The following NME7 variants were observed in gnomAD, a reference collection of about 807,000 sequenced individuals.
The protein encoded by NME7 is nucleoside diphosphate kinase 7.
In NME7, 41 loss-of-function variants were observed where a neutral mutation model predicts 49.1. The ratio of observed to expected loss-of-function variants is 0.83; its 90% CI spans 0.65 to 1.08. NME7 has a LOEUF of 1.08. NME7 is among the 50% of genes least tolerant of loss of function. The pLI, the probability that NME7 is intolerant of heterozygous loss-of-function variation, is 0.00. For missense variants in NME7, 423 were observed against 463.4 expected, an observed-to-expected ratio of 0.91 and a Z score of 0.80; for synonymous variants, 139 against 150.6, an observed-to-expected ratio of 0.92 and a Z score of 0.56.
chr1:169,251,549 T>TTG (rs1182598883), intron 7 of NME7, among the ~76,000 whole-genome samples: 1 of 131,686 alleles, frequency 7.6e-6, no homozygotes, highest in African/African-American at 2.6e-5. Flanking sequence ...TCTGGTTTCT[T>TTG]TTTTTTTTTT....
chr1:169,343,766 A>AT (rs1652860195), intron 1 of NME7, among the ~76,000 whole-genome samples: 1 of 152,116 alleles, frequency 6.6e-6, no homozygotes, highest in African/African-American at 2.4e-5. Flanking sequence ...AAGTGCTGGG[A>AT]TTATAGGCAT....
chr1:169,335,252 T>C (rs996006571), intron 1 of NME7, among the ~76,000 whole-genome samples: 13 of 152,146 alleles, frequency 8.5e-5, no homozygotes, highest in African/African-American at 3.1e-4. Context: ...TAAAGACACA[T>C]GCACACATAT....
intron 10 of NME7, among the ~76,000 whole-genome samples, chr1:169,181,627 A>G (rs924369137): frequency 1.3e-5 from 2 of 152,180 alleles, no homozygotes; most frequent in Non-Finnish European, 2.9e-5. Context: ...CTTAACAAAT[A>G]GACAATTTTA....
At position 169,241,397 on chromosome 1, in the gene NME7, T is replaced by TC. The variant is rs574982282; in HGVS notation, c.755-3711_755-3710insG. On this transcript the variant is annotated intron_variant, in intron 7 of 11. Coordinates refer to ENST00000367811, the MANE Select transcript of NME7 (RefSeq NM_013330.5). The stretch of plus-strand genomic sequence containing the variant: ...ATGACAACACATTAAAAAAGGCAAT[T>TC]AAGTATGAAATCAGCTTTGGTCTTG... 8.0e-4 allele frequency among the ~76,000 whole-genome samples: 122 copies of TC among 152,120 alleles called. 1 individual carries two copies. The highest frequency in any genetic ancestry group is 1.5e-3 in the Non-Finnish European group (100 of 67,964).
At chr1:169,296,314 T>C (rs35539429) in intron 6 of NME7, among the ~76,000 whole-genome samples, 37,237 of 152,124 alleles carry the variant, frequency 0.24, 5,525 homozygotes, top group Non-Finnish European at 0.34. Flanking sequence ...AATCCATTCT[T>C]AGTCCTCTTC....
intron 3 of NME7, among the ~76,000 whole-genome samples, chr1:169,320,462 G>C (rs898580565): frequency 9.9e-5 from 15 of 152,168 alleles, no homozygotes; most frequent in African/African-American, 3.6e-4. Flanking sequence ...AGAAAGAAAA[G>C]AGTTGAAAAT....
At chr1:169,241,240 C>T (rs1040005285) in intron 7 of NME7, among the ~76,000 whole-genome samples, 2 of 151,784 alleles carry the variant, frequency 1.3e-5, no homozygotes, top group East Asian at 1.9e-4. Flanking sequence ...CTAAGTATGG[C>T]TTTTTTTTCC....
At chr1:169,350,047 C>T (rs1283571264) in intron 1 of NME7, among the ~76,000 whole-genome samples, 1 of 151,624 alleles carries the variant, frequency 6.6e-6, no homozygotes, top group Admixed American at 6.6e-5. Flanking sequence ...AAAAACATAG[C>T]GGAGTGTGGT....
chr1:169,136,749 A>G (rs1161085444), intron 11 of NME7, among the ~76,000 whole-genome samples: 2 of 152,232 alleles, frequency 1.3e-5, no homozygotes, highest in Non-Finnish European at 2.9e-5. Flanking sequence ...TAAGAACAAT[A>G]GCTTACATTT....
intron 11 of NME7, among the ~76,000 whole-genome samples, chr1:169,160,017 G>A (rs2101832661): frequency 6.6e-6 from 1 of 152,168 alleles, no homozygotes; most frequent in African/African-American, 2.4e-5. Context: ...GACTGATACT[G>A]ATCTCCACTC....
chr1:169,297,616 G>A (rs1650762691), intron 6 of NME7, among the ~76,000 whole-genome samples: 1 of 152,148 alleles, frequency 6.6e-6, no homozygotes, highest in South Asian at 2.1e-4. Flanking sequence ...GTTAGAGATA[G>A]ATATGGGCCA....
At chr1:169,318,293 T>C (rs1651728818) in intron 3 of NME7, among the ~76,000 whole-genome samples, 1 of 152,172 alleles carries the variant, frequency 6.6e-6, no homozygotes, top group African/African-American at 2.4e-5. Context: ...TCTACATCTA[T>C]CTCCTGTGTT....
At chr1:169,165,376 T>G (rs1048507079) in intron 11 of NME7, among the ~76,000 whole-genome samples, 2 of 152,172 alleles carry the variant, frequency 1.3e-5, no homozygotes, top group African/African-American at 4.8e-5. Context: ...CTTTCTGAGC[T>G]CTATACCCAT....
chr1:169,288,769 T>A (rs1650377926), intron 6 of NME7, among the ~76,000 whole-genome samples: 1 of 152,164 alleles, frequency 6.6e-6, no homozygotes, highest in Non-Finnish European at 1.5e-5. Context: ...TTCTTTTTAA[T>A]CAATAACAAC....
At chr1:169,252,227 T>A (rs1257040318) in intron 7 of NME7, among the ~76,000 whole-genome samples, 1 of 151,578 alleles carries the variant, frequency 6.6e-6, no homozygotes. Flanking sequence ...CACCTGTTGT[T>A]TCCTGACTTT....
chr1:169,349,078 AGATATT>A (rs1383408873), intron 1 of NME7, among the ~76,000 whole-genome samples: 1 of 152,168 alleles, frequency 6.6e-6, no homozygotes, highest in Non-Finnish European at 1.5e-5. Context: ...AATAAGTGAT[AGATATT>A]AACTATTAAG....
intron 3 of NME7, among the ~76,000 whole-genome samples, chr1:169,313,395 G>C (rs1305878794): frequency 6.6e-6 from 1 of 152,016 alleles, no homozygotes; most frequent in Non-Finnish European, 1.5e-5. Flanking sequence ...CCCGCTTAAG[G>C]TGAATCAGAA....
intron 4 of NME7, among the ~76,000 whole-genome samples, chr1:169,305,959 G>C (rs757724736): frequency 5.9e-5 from 9 of 152,140 alleles, no homozygotes; most frequent in Admixed American, 4.6e-4. Context: ...TATATGAAGT[G>C]ATATGAATGA....
chr1:169,193,428 C>T (rs966972435), intron 10 of NME7, among the ~76,000 whole-genome samples: 1 of 152,158 alleles, frequency 6.6e-6, no homozygotes, highest in African/African-American at 2.4e-5. Context: ...TGAAACATGG[C>T]ACTGGTGTCA....
Sources: gnomAD v4.1 joint callset for allele counts (sites outside exome capture counted in the v4.1 genomes callset) on GRCh38, gnomAD v4.1.1 for gene constraint, MANE v1.5 for transcripts, NCBI Gene and HGNC (gene_info 2026-07-23, HGNC 2026-07-21) for gene names.